Variants in EYS observed in about 807,000 individuals in gnomAD.
EYS encodes the protein EGF-like photoreceptor maintenance factor.
In EYS, 250 loss-of-function variants were observed where a neutral mutation model predicts 282.1. The ratio of observed to expected loss-of-function variants is 0.89; its 90% CI spans 0.80 to 0.98. EYS has a LOEUF of 0.98. Among genes scored for constraint, EYS ranks in the 50% least tolerant of loss-of-function variants. The pLI is 0.00. For synonymous variants in EYS, 1,355 were observed against 1,282.9 expected, an observed-to-expected ratio of 1.06 and a Z score of -1.20; for missense variants, 4,016 against 3,709.0, an observed-to-expected ratio of 1.08 and a Z score of -2.15.
chr6:65,235,574 G>C (rs1374455385), intron 12 of EYS, among the ~76,000 whole-genome samples: 2 of 152,088 alleles, frequency 1.3e-5, no homozygotes, highest in African/African-American at 4.8e-5. Flanking sequence ...CATGAATTAG[G>C]TGATGTAGAT....
At chr6:65,271,299 G>A (rs1767897128) in intron 12 of EYS, among the ~76,000 whole-genome samples, 1 of 151,170 alleles carries the variant, frequency 6.6e-6, no homozygotes, top group Non-Finnish European at 1.5e-5. Context: ...TTCCAGTCTG[G>A]GTATGAAGGC....
intron 39 of EYS, among the ~76,000 whole-genome samples, chr6:63,785,398 T>G (rs775733624): frequency 6.6e-6 from 1 of 152,180 alleles, no homozygotes; most frequent in Non-Finnish European, 1.5e-5. Flanking sequence ...CTTCCTTCAT[T>G]CCGTGCCCAG....
chr6:65,030,239 C>T (rs879770158), intron 13 of EYS, among the ~76,000 whole-genome samples: 3 of 152,114 alleles, frequency 2.0e-5, no homozygotes, highest in Non-Finnish European at 4.4e-5. Context: ...CCTAGGGTCC[C>T]TGCTTGGCTG....
At chr6:64,212,905 G>A (rs1442964082) in intron 31 of EYS, among the ~76,000 whole-genome samples, 1 of 152,066 alleles carries the variant, frequency 6.6e-6, no homozygotes. Flanking sequence ...TTGGTACCTA[G>A]ACATCATGAA....
At chr6:64,828,383 T>G (rs1562213298) in intron 19 of EYS, among the ~76,000 whole-genome samples, 1 of 151,906 alleles carries the variant, frequency 6.6e-6, no homozygotes, top group East Asian at 1.9e-4. Flanking sequence ...TTGATGGAAC[T>G]CTGTAGCAGT....
rs1288144587 is a variant in EYS at position 64,151,323 on chromosome 6, A to T, written c.6425-69321T>A. On this transcript the variant is annotated intron_variant, in intron 31 of 42. Transcript: ENST00000503581. ...CACGTGTGTGTGTGTATATTTATATATATATATATATATATATATATATAT... is the reference window on the plus strand; with the variant it reads ...CACGTGTGTGTGTGTATATTTATATTTATATATATATATATATATATATAT... Among the ~76,000 whole-genome samples the T allele has an allele frequency of 1.4e-4, 9 of 64,720 alleles. 1 individual carries two copies. The highest frequency in any genetic ancestry group is 5.0e-4 in the African/African-American group (6 of 11,932). 42.5% of individuals were successfully genotyped at this position (64,720 alleles called of 152,430 possible).
At chr6:64,149,092 A>G (rs1233280718) in intron 31 of EYS, among the ~76,000 whole-genome samples, 3 of 152,164 alleles carry the variant, frequency 2.0e-5, no homozygotes, top group Non-Finnish European at 4.4e-5. Flanking sequence ...TGTCCCTGAC[A>G]TAGATATCAT....
intron 30 of EYS, among the ~76,000 whole-genome samples, chr6:64,297,116 A>C (rs1262742860): frequency 2.6e-5 from 4 of 152,188 alleles, no homozygotes. Context: ...TGTGACGGCC[A>C]TGGTGGACAG....
intron 12 of EYS, among the ~76,000 whole-genome samples, chr6:65,266,025 A>T (rs1767743951): frequency 6.6e-6 from 1 of 151,656 alleles, no homozygotes; most frequent in Non-Finnish European, 1.5e-5. Flanking sequence ...ATTTAAGAAA[A>T]AAATATGTTT....
At chr6:64,918,863 A>G (rs1414590740) in intron 15 of EYS, among the ~76,000 whole-genome samples, 1 of 152,218 alleles carries the variant, frequency 6.6e-6, no homozygotes, top group East Asian at 1.9e-4. Context: ...TCCTGCATGT[A>G]TTGAAAATTC....
At chr6:64,814,771 AC>A (rs1454644341) in intron 21 of EYS, among the ~76,000 whole-genome samples, 1 of 151,998 alleles carries the variant, frequency 6.6e-6, no homozygotes, top group Non-Finnish European at 1.5e-5. Flanking sequence ...ATCTTAATGA[AC>A]CTAAACCAAC....
chr6:64,074,921 T>C (rs1489746913), intron 32 of EYS, among the ~76,000 whole-genome samples: 1 of 151,952 alleles, frequency 6.6e-6, no homozygotes, highest in Non-Finnish European at 1.5e-5. Flanking sequence ...TGAATAGATG[T>C]ACCCTATATT....
chr6:65,436,557 C>G (rs1768082597), intron 5 of EYS, among the ~76,000 whole-genome samples: 1 of 152,140 alleles, frequency 6.6e-6, no homozygotes, highest in African/African-American at 2.4e-5. Flanking sequence ...GGAACCAGAT[C>G]AATATCTTCC....
intron 41 of EYS, among the ~76,000 whole-genome samples, chr6:63,730,168 A>G (rs1768746039): frequency 6.6e-6 from 1 of 152,168 alleles, no homozygotes; most frequent in Non-Finnish European, 1.5e-5. Flanking sequence ...ATGCATTAAT[A>G]GATTATAGCT....
chr6:65,059,527 C>T (rs1385215808), intron 12 of EYS, among the ~76,000 whole-genome samples: 2 of 152,080 alleles, frequency 1.3e-5, no homozygotes, highest in Non-Finnish European at 2.9e-5. Context: ...ATCTTCCTTA[C>T]ACTTCAAAGG....
chr6:64,071,889 A>G (rs1771593891), intron 32 of EYS, among the ~76,000 whole-genome samples: 1 of 151,670 alleles, frequency 6.6e-6, no homozygotes, highest in Non-Finnish European at 1.5e-5. Flanking sequence ...ACTAGGGAAC[A>G]TTTTACTCTC....
At chr6:64,226,069 A>T (rs964657621) in intron 31 of EYS, among the ~76,000 whole-genome samples, 1 of 152,152 alleles carries the variant, frequency 6.6e-6, no homozygotes, top group African/African-American at 2.4e-5. Context: ...TCTCTGGAAG[A>T]GATAAATCTC....
intron 31 of EYS, among the ~76,000 whole-genome samples, chr6:64,129,444 G>A (rs1773892361): frequency 2.0e-5 from 3 of 152,098 alleles, no homozygotes; most frequent in Non-Finnish European, 4.4e-5. Context: ...TGTCTTGTCT[G>A]TTCATATCCT....
intron 15 of EYS, among the ~76,000 whole-genome samples, chr6:64,943,230 A>G (rs1769158669): frequency 1.3e-5 from 2 of 152,112 alleles, no homozygotes; most frequent in African/African-American, 2.4e-5. Context: ...CATCTATGGT[A>G]AACCCACAGC....
Sources: gnomAD v4.1 joint callset for allele counts (sites outside exome capture counted in the v4.1 genomes callset) on GRCh38, gnomAD v4.1.1 for gene constraint, MANE v1.5 for transcripts, NCBI Gene and HGNC (gene_info 2026-07-23, HGNC 2026-07-21) for gene names.